Variants in GABRG3 observed in about 807,000 individuals in gnomAD.
The protein encoded by GABRG3 is gamma-aminobutyric acid type A receptor subunit gamma3.
GABRG3 carries 25 observed loss-of-function variants against 48.8 expected under a neutral mutation model. The ratio of observed to expected loss-of-function variants is 0.51; its 90% confidence interval spans 0.37 to 0.72. GABRG3 has a LOEUF of 0.72. GABRG3 is among the 30% of genes least tolerant of loss of function. GABRG3 has a pLI of 0.00. For synonymous variants in GABRG3, 227 were observed against 217.6 expected, an observed-to-expected ratio of 1.04 and a Z score of -0.38; for missense variants, 394 against 577.9, an observed-to-expected ratio of 0.68 and a Z score of 3.26.
intron 2 of GABRG3, among the ~76,000 whole-genome samples, chr15:27,026,083 A>C (rs1361951578): frequency 6.6e-6 from 1 of 152,236 alleles, no homozygotes; most frequent in Non-Finnish European, 1.5e-5. Context: ...AGAGAGATCA[A>C]CCTGTGATTA....
intron 2 of GABRG3, among the ~76,000 whole-genome samples, chr15:26,979,782 T>C (rs996021689): frequency 6.6e-6 from 1 of 151,046 alleles, no homozygotes; most frequent in Non-Finnish European, 1.5e-5. Flanking sequence ...TGTTTGTTAA[T>C]ATTTTGTTAA....
intron 5 of GABRG3, among the ~76,000 whole-genome samples, chr15:27,409,458 T>C (rs1284144998): frequency 6.6e-6 from 1 of 152,212 alleles, no homozygotes; most frequent in East Asian, 1.9e-4. Flanking sequence ...TCTGTGTATG[T>C]ACCCTCCACC....
chr15:27,012,333 A>C lies in GABRG3; in HGVS notation c.203-14421A>C, dbSNP rs145600545. On this transcript the variant is annotated intron_variant, in intron 2 of 9. Transcript: ENST00000615808. ...TACCTTTTGTTGGGCTCATCTTAAG[A>C]ATTGTTTCTTTATTAACTTTTCAGC... 4.1e-4 allele frequency among the ~76,000 whole-genome samples: 63 copies of C among 152,140 alleles called. 2 individuals carry two copies. In the East Asian group the frequency reaches 0.012, roughly 29 times the overall value.
At chr15:27,413,071 A>G (rs1887843802) in intron 5 of GABRG3, among the ~76,000 whole-genome samples, 2 of 152,322 alleles carry the variant, frequency 1.3e-5, no homozygotes, top group African/African-American at 4.8e-5. Context: ...TTCAAGTCAA[A>G]GCAACCAAAA....
chr15:27,103,868 C>T (rs1467175283), intron 3 of GABRG3, among the ~76,000 whole-genome samples: 1 of 152,198 alleles, frequency 6.6e-6, no homozygotes, highest in Admixed American at 6.5e-5. Flanking sequence ...TATATGTCTT[C>T]AGCTATAGAA....
chr15:27,382,658 G>T (rs1185814889), intron 5 of GABRG3, among the ~76,000 whole-genome samples: 1 of 152,198 alleles, frequency 6.6e-6, no homozygotes, highest in Non-Finnish European at 1.5e-5. Context: ...ACAGAAGGAA[G>T]AGATGATGGT....
intron 3 of GABRG3, among the ~76,000 whole-genome samples, chr15:27,232,420 G>A (rs781423263): frequency 2.0e-5 from 3 of 152,274 alleles, no homozygotes; most frequent in East Asian, 3.9e-4. Context: ...TTACCCGGGC[G>A]TCCACCTGGA....
chr15:27,218,119 C>T (rs984908041), intron 3 of GABRG3, among the ~76,000 whole-genome samples: 3 of 152,126 alleles, frequency 2.0e-5, no homozygotes, highest in Admixed American at 2.0e-4. Flanking sequence ...AAGTGATCCT[C>T]CCACCTCCGC....
chr15:27,092,510 A>C (rs1897205181), intron 3 of GABRG3, among the ~76,000 whole-genome samples: 1 of 152,254 alleles, frequency 6.6e-6, no homozygotes, highest in East Asian at 1.9e-4. Context: ...GACCCGCAGC[A>C]CTCACAGGTA....
At chr15:27,038,867 T>A (rs1174842328) in intron 3 of GABRG3, among the ~76,000 whole-genome samples, 1 of 152,072 alleles carries the variant, frequency 6.6e-6, no homozygotes, top group African/African-American at 2.4e-5. Flanking sequence ...ACTGATCTCC[T>A]GAGAGAGGGA....
chr15:27,032,799 T>C (rs1469659724), intron 3 of GABRG3, among the ~76,000 whole-genome samples: 2 of 151,984 alleles, frequency 1.3e-5, no homozygotes, highest in Non-Finnish European at 2.9e-5. Flanking sequence ...GCAATTTTCA[T>C]TGTGTACAAA....
intron 3 of GABRG3, among the ~76,000 whole-genome samples, chr15:27,154,142 C>T (rs1898373826): frequency 6.6e-6 from 1 of 152,124 alleles, no homozygotes; most frequent in South Asian, 2.1e-4. Context: ...TGTATAGAAT[C>T]TGCACCTTGA....
chr15:27,251,102 C>T (rs564558347), intron 3 of GABRG3, among the ~76,000 whole-genome samples: 66 of 152,248 alleles, frequency 4.3e-4, no homozygotes, highest in African/African-American at 1.5e-3. Context: ...TTCTATTATC[C>T]GTGGACTAGT....
At chr15:27,216,399 G>A (rs1199365624) in intron 3 of GABRG3, among the ~76,000 whole-genome samples, 1 of 152,178 alleles carries the variant, frequency 6.6e-6, no homozygotes, top group Admixed American at 6.5e-5. Flanking sequence ...CTGCACACAG[G>A]GTTCACTCTG....
chr15:27,051,716 G>A (rs559485843), intron 3 of GABRG3, among the ~76,000 whole-genome samples: 1 of 152,304 alleles, frequency 6.6e-6, no homozygotes, highest in South Asian at 2.1e-4. Flanking sequence ...TGATTCAAGT[G>A]CATTACATTT....
chr15:27,132,872 T>C (rs1371031922), intron 3 of GABRG3, among the ~76,000 whole-genome samples: 1 of 151,926 alleles, frequency 6.6e-6, no homozygotes, highest in Non-Finnish European at 1.5e-5. Context: ...TTTTTCCAGT[T>C]CCTTAGAGTG....
intron 5 of GABRG3, among the ~76,000 whole-genome samples, chr15:27,393,607 C>T (rs535885825): frequency 1.3e-5 from 2 of 152,334 alleles, no homozygotes; most frequent in South Asian, 4.1e-4. Context: ...TGTAAACTCT[C>T]ACTTCCACAG....
At chr15:27,453,783 G>A (rs1366826629) in intron 5 of GABRG3, among the ~76,000 whole-genome samples, 1 of 152,116 alleles carries the variant, frequency 6.6e-6, no homozygotes, top group East Asian at 1.9e-4. Flanking sequence ...TGTATTTTTA[G>A]TACTGGCAGG....
intron 3 of GABRG3, among the ~76,000 whole-genome samples, chr15:27,056,535 G>A (rs1356398341): frequency 1.3e-5 from 2 of 152,082 alleles, no homozygotes; most frequent in Non-Finnish European, 2.9e-5. Flanking sequence ...AAAAGCTGTG[G>A]AAAGAAAGTG....
Sources: gnomAD v4.1 joint callset for allele counts (sites outside exome capture counted in the v4.1 genomes callset) on GRCh38, gnomAD v4.1.1 for gene constraint, MANE v1.5 for transcripts, NCBI Gene and HGNC (gene_info 2026-07-23, HGNC 2026-07-21) for gene names.